Variants in NAXE observed in about 807,000 individuals in gnomAD.
NAXE encodes NAD(P)HX epimerase.
A neutral mutation model predicts 31.2 loss-of-function variants in NAXE; 25 were observed. That is an observed-to-expected ratio of 0.80 (90% CI 0.58 to 1.12). NAXE has a LOEUF of 1.12. NAXE is among the 50% of genes most tolerant of loss of function. The pLI is 0.00. For synonymous variants in NAXE, 144 were observed against 154.5 expected (o/e 0.93, Z 0.50); for missense variants, 362 against 376.1 (o/e 0.96, Z 0.31).
At chr1:156,592,785 C>A (rs1459367990) in intron 4 of NAXE, 115 bp downstream of exon 4, 1 of 950,840 alleles carries the variant, frequency 1.1e-6, no homozygotes, top group South Asian at 1.5e-5. Flanking sequence ...AGGTGCCTAA[C>A]GGATGGTATT....
chr1:156,591,835 G>C lies in NAXE; in HGVS notation c.31G>C (p.Gly11Arg), dbSNP rs1414114650. The change falls in exon 1 of 6, where the codon GGG becomes CGG. Residue 11 changes from glycine (G) to arginine (R), a missense_variant. Transcript: ENST00000368235. MSRLRALLGL[G>R]LLVAGSRVPR... Reference sequence around the variant, plus strand: ...CAGGCTGCGGGCGCTGCTGGGCCTCGGGCTGCTGGTTGCGGGCTCGCGCGT... The same window carrying C: ...CAGGCTGCGGGCGCTGCTGGGCCTCCGGCTGCTGGTTGCGGGCTCGCGCGT... The C allele has an allele frequency of 1.9e-6, 3 of 1,608,102 alleles. No individual in the cohort carries two copies. The highest frequency in any genetic ancestry group is 1.7e-6 in the Non-Finnish European group (2 of 1,179,038).
rs1205405014 is a variant in NAXE at position 156,592,413 on chromosome 1, A to G, written c.340A>G (p.Ile114Val). The change falls in exon 3 of 6, where the codon ATC becomes GTC. Residue 114 changes from isoleucine (I) to valine (V), a missense_variant. Transcript: ENST00000368235. Reference protein sequence around the residue: ...MSRSPPTVLVICGPGNNGGDG... With the variant: ...MSRSPPTVLVVCGPGNNGGDG... ...CAGGAGCCCCCCTACTGTCCTGGTC[A>G]TCTGTGGCCCGGGGAATAATGGAGG... 4.3e-6 allele frequency: 7 copies of G among 1,614,076 alleles called. No homozygotes were observed. The highest frequency in any genetic ancestry group is 5.9e-6 in the Non-Finnish European group (7 of 1,180,016).
At chr1:156,593,742 A>T in intron 5 of NAXE, 140 bp from the exon 6 acceptor site, 1 of 1,300,966 alleles carries the variant, frequency 7.7e-7, no homozygotes, top group African/African-American at 1.5e-5. Context: ...ACCACGGCCC[A>T]AGGGTACGTG....
Position 156,592,208 on chromosome 1 carries a change from A to T in NAXE, c.290A>T (p.Lys97Met). 4.3e-6 allele frequency: 7 copies of T among 1,614,094 alleles called. No individual in the cohort carries two copies. The highest frequency in any genetic ancestry group is 5.9e-6 in the Non-Finnish European group (7 of 1,180,020). Residue 97 changes from lysine to methionine, a missense_variant and splice_region_variant, in exon 2 of 6, where the codon AAG (lysine) becomes ATG (methionine). Coordinates refer to ENST00000368235, the MANE Select transcript of NAXE (RefSeq NM_144772.3). ...AGLSCATAIA[K>M]AYPPTSMSRS... is the part of the protein sequence containing the mutation. ...CTGAGCTGTGCTACAGCCATCGCCAAGGTCAGTGGCACAACTCTCGACCTT... is the reference window on the plus strand; with the variant it reads ...CTGAGCTGTGCTACAGCCATCGCCATGGTCAGTGGCACAACTCTCGACCTT...
In NAXE at chr1:156,591,820, G is replaced by C; in HGVS notation, c.16G>C (p.Ala6Pro). 6.2e-7 allele frequency: 1 copy of C among 1,601,018 alleles called. No homozygotes were observed. Among genetic ancestry groups the C allele is most frequent in the Middle Eastern group, 1.9e-4 (1 of 5,254 alleles). MSRLRALLGLGLLVAG... is the reference protein window; with the variant it reads MSRLRPLLGLGLLVAG... ...TGCGAGCTGGATGTCCAGGCTGCGG[G>C]CGCTGCTGGGCCTCGGGCTGCTGGT... The change falls in exon 1 of 6, where the codon GCG becomes CCG. Residue 6 changes from alanine (A) to proline (P), a missense_variant. Transcript: ENST00000368235.
chr1:156,592,509 G>T, intron 3 of NAXE, 34 bp downstream of exon 3: 2 of 1,613,292 alleles, frequency 1.2e-6, no homozygotes, highest in Admixed American at 1.7e-5. Flanking sequence ...GGGGGAGGAG[G>T]GCGTGAGGGC....
At position 156,593,893 on chromosome 1, in the gene NAXE, G is replaced by A; in HGVS notation, c.676G>A (p.Glu226Lys). The A allele has an allele frequency of 5.6e-6, 9 of 1,614,104 alleles. No individual in the cohort carries two copies. Among genetic ancestry groups the A allele is most frequent in the Non-Finnish European group, 6.8e-6 (8 of 1,179,992 alleles). ...SIDIPSGWDV[E>K]KGNAGGIQPD... is the part of the protein sequence containing the mutation. ...CACCCTCTTTTCAGGATGGGACGTG[G>A]AGAAGGGAAATGCTGGAGGGATCCA... Residue 226 changes from glutamate (E) to lysine (K), a missense_variant, in exon 6 of 6, where the codon GAG (glutamate) becomes AAG (lysine). Glu to Lys is a moderately conservative substitution (Grantham distance 56). Coordinates refer to ENST00000368235, the MANE Select transcript of NAXE (RefSeq NM_144772.3).
At position 156,593,765 on chromosome 1, in the gene NAXE, C is replaced by G. The variant is rs537866250; in HGVS notation, c.665-117C>G. 19 of 1,354,358 alleles carry G rather than the reference C, an allele frequency of 1.4e-5. No homozygotes were observed. The Admixed American group carries it at 2.3e-4, about 17-fold the overall frequency. The allele number at this position is 1,354,358 out of a possible 1,614,324, so 83.9% of individuals were successfully genotyped here. On this transcript the variant is annotated intron_variant, in intron 5 of 5. Transcript: ENST00000368235. ...CCAAGGGTACGTGGAGCTCGTTGGA[C>G]GAGAGTTCCTCAGGTGGGAACTGAG... is the stretch of plus-strand genomic sequence containing the variant.
In NAXE at chr1:156,592,476, G is replaced by T; in HGVS notation, c.402+1G>T. 1.2e-6 allele frequency: 2 copies of T among 1,613,878 alleles called. No homozygotes were observed. On this transcript the variant is annotated splice_donor_variant, in intron 3 of 5. Coordinates refer to ENST00000368235, the MANE Select transcript of NAXE (RefSeq NM_144772.3). LOFTEE classifies it high-confidence loss of function. ...CTGTGCTCGACACCTCAAACTCTTTGTGAGTATGTGGGGAGGGGCTGTGGG... is the reference window on the plus strand; with the variant it reads ...CTGTGCTCGACACCTCAAACTCTTTTTGAGTATGTGGGGAGGGGCTGTGGG...
chr1:156,591,829 G>A lies in NAXE; in HGVS notation c.25G>A (p.Gly9Ser). The A allele has an allele frequency of 1.2e-6, 2 of 1,606,446 alleles. No individual in the cohort carries two copies. The highest frequency in any genetic ancestry group is 1.7e-6 in the Non-Finnish European group (2 of 1,178,588). The change falls in exon 1 of 6, where the codon GGC becomes AGC. Residue 9 changes from glycine to serine, a missense_variant. Coordinates refer to ENST00000368235, the MANE Select transcript of NAXE (RefSeq NM_144772.3). The part of the protein sequence containing the change: MSRLRALL[G>S]LGLLVAGSRV... ...GATGTCCAGGCTGCGGGCGCTGCTG[G>A]GCCTCGGGCTGCTGGTTGCGGGCTC...
At position 156,593,260 on chromosome 1, in the gene NAXE, C is replaced by T. The variant is rs1677392130; in HGVS notation, c.517-148C>T. On this transcript the variant is annotated intron_variant, in intron 4 of 5. Coordinates refer to ENST00000368235, the MANE Select transcript of NAXE (RefSeq NM_144772.3). Reference sequence around the variant, plus strand: ...TTGGCCTGAATCAGTGACCAACTCACACTTTCTCTAGGCCTCAGGCTGCCC... The same window carrying T: ...TTGGCCTGAATCAGTGACCAACTCATACTTTCTCTAGGCCTCAGGCTGCCC... 2.8e-6 allele frequency: 3 copies of T among 1,060,950 alleles called. No homozygotes were observed. The South Asian group carries it at 5.7e-5, about 20-fold the overall frequency. The allele number at this position is 1,060,950 out of a possible 1,614,324, so 65.7% of individuals were successfully genotyped here. A position where few individuals can be genotyped will look rare whatever the true frequency, so the allele number is the denominator to read the frequency against.
rs1478417863 is a variant in NAXE at position 156,591,788 on chromosome 1, C to G, written c.-17C>G. On this transcript the variant is annotated 5_prime_UTR_variant, in exon 1 of 6. Coordinates refer to ENST00000368235, the MANE Select transcript of NAXE (RefSeq NM_144772.3). Reference sequence around the variant, plus strand: ...CCGGGGCCGGGCCGGGCCGGGGGCGCGCGCTCTGCGAGCTGGATGTCCAGG... The same window carrying G: ...CCGGGGCCGGGCCGGGCCGGGGGCGGGCGCTCTGCGAGCTGGATGTCCAGG... 1 of 1,398,206 alleles carries G rather than the reference C, an allele frequency of 7.2e-7. No homozygotes were observed. Among genetic ancestry groups the G allele is most frequent in the Non-Finnish European group, 9.3e-7 (1 of 1,076,628 alleles). The allele number at this position is 1,398,206 out of a possible 1,614,324, so 86.6% of individuals were successfully genotyped here. A position where few individuals can be genotyped will look rare whatever the true frequency, so the allele number is the denominator to read the frequency against.
chr1:156,592,336 C>T, intron 2 of NAXE, 29 bp from the exon 3 acceptor site: 1 of 1,611,172 alleles, frequency 6.2e-7, no homozygotes, highest in Non-Finnish European at 8.5e-7. Flanking sequence ...CCTGAAACCC[C>T]GCCGAACCAC....
At position 156,593,767 on chromosome 1, in the gene NAXE, A is replaced by G. The variant is rs568458851; in HGVS notation, c.665-115A>G. The G allele has an allele frequency of 7.4e-6, 10 of 1,358,166 alleles. No individual in the cohort carries two copies. The African/African-American group carries it at 1.3e-4, about 18-fold the overall frequency. The allele number at this position is 1,358,166 out of a possible 1,614,324, so 84.1% of individuals were successfully genotyped here. A position where few individuals can be genotyped will look rare whatever the true frequency, so the allele number is the denominator to read the frequency against. On this transcript the variant is annotated intron_variant, in intron 5 of 5. Transcript: ENST00000368235. ...AAGGGTACGTGGAGCTCGTTGGACG[A>G]GAGTTCCTCAGGTGGGAACTGAGGG...
intron 4 of NAXE, 130 bp from the exon 5 acceptor site, chr1:156,593,278 G>A: frequency 8.1e-7 from 1 of 1,237,644 alleles, no homozygotes; most frequent in Non-Finnish European, 1.1e-6. Context: ...CTAGGCCTCA[G>A]GCTGCCCTCT....
rs1557963525 is a variant in NAXE, at chr1:156,593,990, T to G, written c.773T>G (p.Leu258Arg). ...CAGTTTACCGGTCGCTACCATTACC[T>G]GGGGGGTCGTTTTGTGCCACCTGCT... is the stretch of plus-strand genomic sequence containing the variant. ...ATQFTGRYHY[L>R]GGRFVPPALE... Residue 258 changes from leucine (L) to arginine (R), a missense_variant, in exon 6 of 6, where the codon CTG (leucine) becomes CGG (arginine). Physicochemically the swap from Leu to Arg is moderately radical, Grantham distance 102. Transcript: ENST00000368235. The G allele has an allele frequency of 6.2e-7, 1 of 1,614,104 alleles. No homozygotes were observed. The highest frequency in any genetic ancestry group is 2.2e-5 in the East Asian group (1 of 44,874).
At position 156,594,141 on chromosome 1, in the gene NAXE, C is replaced by T. The variant is rs752116148; in HGVS notation, c.*57C>T. 3.8e-5 allele frequency: 60 copies of T among 1,562,920 alleles called. No homozygotes were observed. Among genetic ancestry groups the T allele is most frequent in the Non-Finnish European group, 5.3e-5 (60 of 1,138,584 alleles). ...GACTTAGAGCCCCTCTCTTCCAGAA[C>T]TGTGGATTCCTGGGAGCTCCTCTGG... On this transcript the variant is annotated 3_prime_UTR_variant, in exon 6 of 6. Coordinates refer to ENST00000368235, the MANE Select transcript of NAXE (RefSeq NM_144772.3).
chr1:156,592,715 C>T (rs748940843), intron 4 of NAXE, 45 bp downstream of exon 4: 1 of 1,511,012 alleles, frequency 6.6e-7, no homozygotes, highest in Admixed American at 1.7e-5. Context: ...GTAACCACTG[C>T]CTGTGCTCTG....
At chr1:156,592,797 G>A (rs967325674) in intron 4 of NAXE, 127 bp downstream of exon 4, 32 of 818,504 alleles carry the variant, frequency 3.9e-5, no homozygotes, top group Non-Finnish European at 5.8e-5. Flanking sequence ...GATGGTATTC[G>A]AATAAGTGTG....
Sources: allele counts gnomAD v4.1 joint callset, GRCh38; gene constraint gnomAD v4.1.1; transcripts MANE v1.5; gene names NCBI Gene and HGNC (gene_info 2026-07-23, HGNC 2026-07-21).